Variants in NUBPL observed in about 807,000 individuals in gnomAD.
NUBPL encodes the protein NUBP iron-sulfur cluster assembly factor, mitochondrial.
Under a neutral mutation model 45.7 loss-of-function variants are expected in NUBPL, and 31 were observed. The observed-to-expected ratio is 0.68, with a 90% CI of 0.51 to 0.92. The LOEUF is 0.92. Among genes scored for constraint, NUBPL ranks in the 40% least tolerant of loss-of-function variants. NUBPL has a pLI of 0.00. For synonymous variants in NUBPL, 144 were observed against 140.9 expected (o/e 1.02, Z -0.15); for missense variants, 401 against 398.7 (o/e 1.01, Z -0.05).
At position 31,715,293 on chromosome 14, in the gene NUBPL, T is replaced by C. The variant is rs183506576; in HGVS notation, c.513+41719T>C. Among the ~76,000 whole-genome samples, 63 of 152,324 alleles carry C rather than the reference T, an allele frequency of 4.1e-4. No homozygotes were observed. In the East Asian group the frequency reaches 9.1e-3, roughly 22 times the overall value. ...ATTTCTTAAATATCAGTCCTTAACA[T>C]GGGTATAATTATTCCACTTTTATAG... On this transcript the variant is annotated intron_variant, in intron 6 of 10. Transcript: ENST00000281081.
chr14:31,688,495 C>T (rs186607316), intron 6 of NUBPL, among the ~76,000 whole-genome samples: 15 of 150,174 alleles, frequency 1.0e-4, no homozygotes, highest in African/African-American at 3.4e-4. Flanking sequence ...GAGAATCGCT[C>T]GAACCTAGAA....
chr14:31,751,963 C>A (rs976990399), intron 6 of NUBPL, among the ~76,000 whole-genome samples: 2 of 152,176 alleles, frequency 1.3e-5, no homozygotes, highest in African/African-American at 4.8e-5. Context: ...GAAGTAATGG[C>A]CTGAATTGTA....
chr14:31,760,937 T>C lies in NUBPL; in HGVS notation c.514-26843T>C, dbSNP rs1242456445. 5.9e-5 allele frequency among the ~76,000 whole-genome samples: 9 copies of C among 151,954 alleles called. No individual in the cohort carries two copies. The East Asian group carries it at 1.8e-3, about 30-fold the overall frequency. ...CACTCAAGCTCCTTGGCTCAAGTCG[T>C]CCTCCCACCGCAGCCTGCTGAGTAG... On this transcript the variant is annotated intron_variant, in intron 6 of 10. Coordinates refer to ENST00000281081, the MANE Select transcript of NUBPL (RefSeq NM_025152.3).
intron 6 of NUBPL, among the ~76,000 whole-genome samples, chr14:31,777,546 C>A (rs965741366): frequency 5.3e-5 from 8 of 152,138 alleles, no homozygotes; most frequent in African/African-American, 1.9e-4. Flanking sequence ...TTTTAAAGAG[C>A]AGCCAAATGC....
At chr14:31,846,726 G>A in intron 9 of NUBPL, 135 bp downstream of exon 9, 6 of 1,393,820 alleles carry the variant, frequency 4.3e-6, no homozygotes, top group Admixed American at 2.0e-5. Flanking sequence ...GGAGGTCGAG[G>A]TGGACAGATC....
At chr14:31,638,371 A>C (rs1282214560) in intron 4 of NUBPL, among the ~76,000 whole-genome samples, 3 of 151,502 alleles carry the variant, frequency 2.0e-5, no homozygotes, top group Non-Finnish European at 4.4e-5. Flanking sequence ...TGGATATGAA[A>C]TTCTGGGTTG....
chr14:31,762,557 A>C (rs927618138), intron 6 of NUBPL, among the ~76,000 whole-genome samples: 1 of 152,224 alleles, frequency 6.6e-6, no homozygotes, highest in Non-Finnish European at 1.5e-5. Context: ...GTGAATGACT[A>C]TGTTAGATGA....
intron 7 of NUBPL, among the ~76,000 whole-genome samples, chr14:31,807,313 T>G (rs960207488): frequency 2.0e-5 from 3 of 152,160 alleles, no homozygotes; most frequent in Non-Finnish European, 4.4e-5. Flanking sequence ...TGATTGCCAT[T>G]CTAACTGGTG....
At chr14:31,854,831 C>T (rs539078554) in intron 10 of NUBPL, among the ~76,000 whole-genome samples, 17 of 152,304 alleles carry the variant, frequency 1.1e-4, no homozygotes, top group East Asian at 3.9e-4. Flanking sequence ...ATGCCTTGCA[C>T]GCAATACAAA....
chr14:31,675,132 G>T (rs1338113195), intron 6 of NUBPL, among the ~76,000 whole-genome samples: 1 of 131,734 alleles, frequency 7.6e-6, no homozygotes, highest in Non-Finnish European at 1.5e-5. Flanking sequence ...GTAAGACTCC[G>T]TCTCAAAAAA....
At chr14:31,690,241 C>A (rs1028820912) in intron 6 of NUBPL, among the ~76,000 whole-genome samples, 1 of 152,190 alleles carries the variant, frequency 6.6e-6, no homozygotes, top group African/African-American at 2.4e-5. Flanking sequence ...AAGCTGCTAA[C>A]CTCTGAGCCT....
chr14:31,724,979 T>C (rs2037889280), intron 6 of NUBPL, among the ~76,000 whole-genome samples: 1 of 151,610 alleles, frequency 6.6e-6, no homozygotes, highest in African/African-American at 2.4e-5. Flanking sequence ...AGGGAACAAG[T>C]GCACAAGTGT....
At chr14:31,584,201 C>T (rs1044267922) in intron 3 of NUBPL, among the ~76,000 whole-genome samples, 2 of 151,864 alleles carry the variant, frequency 1.3e-5, no homozygotes, top group Admixed American at 1.3e-4. Flanking sequence ...GCTGAAGGCA[C>T]CCAACTTCTG....
At chr14:31,673,199 T>C (rs1309564170) in intron 4 of NUBPL, among the ~76,000 whole-genome samples, 156 bp from the exon 5 acceptor site, 14 of 152,156 alleles carry the variant, frequency 9.2e-5, no homozygotes, top group Admixed American at 9.2e-4. Flanking sequence ...TCTACTACAA[T>C]GTAGACATGT....
intron 7 of NUBPL, among the ~76,000 whole-genome samples, chr14:31,811,884 T>G (rs1474313234): frequency 6.6e-6 from 1 of 152,232 alleles, no homozygotes; most frequent in Non-Finnish European, 1.5e-5. Context: ...GTCCCTCAGC[T>G]GCAGGTCTGT....
chr14:31,832,607 A>G (rs918246087), intron 8 of NUBPL, among the ~76,000 whole-genome samples: 12 of 152,234 alleles, frequency 7.9e-5, no homozygotes, highest in Non-Finnish European at 1.2e-4. Flanking sequence ...AATTTCTTAT[A>G]TACAGATTTT....
chr14:31,772,694 C>T (rs1244173091), intron 6 of NUBPL, among the ~76,000 whole-genome samples: 6 of 152,096 alleles, frequency 3.9e-5, no homozygotes, highest in East Asian at 3.8e-4. Flanking sequence ...GTCTTCAGAT[C>T]GTCAGGGCCA....
intron 6 of NUBPL, chr14:31,771,967 G>A (rs2039017294): frequency 1.3e-6 from 1 of 758,574 alleles, no homozygotes; most frequent in South Asian, 5.9e-5. Context: ...TGTCCTTCAA[G>A]TGCTCTAATA....
intron 5 of NUBPL, 41 bp downstream of exon 5, chr14:31,673,435 T>A: frequency 6.2e-7 from 1 of 1,604,672 alleles, no homozygotes; most frequent in Non-Finnish European, 8.5e-7. Flanking sequence ...TTCAGAATAA[T>A]GTTGATTAAT....
Sources: gnomAD v4.1 joint callset for allele counts (sites outside exome capture counted in the v4.1 genomes callset) on GRCh38, gnomAD v4.1.1 for gene constraint, MANE v1.5 for transcripts, NCBI Gene and HGNC (gene_info 2026-07-23, HGNC 2026-07-21) for gene names.